The following SCN4A variants were observed in gnomAD, a reference collection of about 807,000 sequenced individuals.
The protein encoded by SCN4A is sodium voltage-gated channel alpha subunit 4, also known as sodium channel protein type 4 subunit alpha.
A neutral mutation model predicts 162.0 loss-of-function variants in SCN4A; 83 were observed. The ratio of observed to expected loss-of-function variants is 0.51; its 90% CI spans 0.43 to 0.61. The LOEUF is 0.61. Among genes scored for constraint, SCN4A ranks in the 20% least tolerant of loss-of-function variants. SCN4A has a pLI of 0.00. For synonymous variants in SCN4A, 944 were observed against 985.1 expected (o/e 0.96, Z 0.78); for missense variants, 2,196 against 2,462.5 (o/e 0.89, Z 2.29).
intron 13 of SCN4A, among the ~76,000 whole-genome samples, chr17:63,952,473 AC>A (rs1028218003): frequency 6.6e-6 from 1 of 151,618 alleles, no homozygotes; most frequent in African/African-American, 2.4e-5. Context: ...ACTGTCCTTT[AC>A]CTCCACTTCT....
At chr17:63,957,627 C>T (rs575939608) in intron 12 of SCN4A, 109 bp from the exon 13 acceptor site, 4 of 703,610 alleles carry the variant, frequency 5.7e-6, no homozygotes, top group Admixed American at 2.4e-5. Flanking sequence ...TCCAGCCCCC[C>T]ACACCATCTG....
At chr17:63,958,741 C>T (rs767352358) in intron 12 of SCN4A, among the ~76,000 whole-genome samples, 6 of 152,158 alleles carry the variant, frequency 3.9e-5, no homozygotes, top group South Asian at 2.1e-4. Context: ...TTCGTAGAGA[C>T]GGAGTTTCAC....
rs1908481593 is a variant in SCN4A at position 63,940,461 on chromosome 17, G to C, written c.*310C>G. ...TGAGGGGCAGAGATTCGAATGTTCT[G>C]ACCTCCCCCAGGCCAAAAGGAGGGG... On this transcript the variant is annotated 3_prime_UTR_variant, in exon 24 of 24. Transcript: ENST00000435607. 2.8e-6 allele frequency: 1 copy of C among 362,794 alleles called. No homozygotes were observed. The allele number at this position is 362,794 out of a possible 1,614,324, so 22.5% of individuals were successfully genotyped here. A position where few individuals can be genotyped will look rare whatever the true frequency, so the allele number is the denominator to read the frequency against.
In SCN4A at chr17:63,951,310, GC is replaced by G. The variant is rs1158425359; in HGVS notation, c.2853+113del. ...ATAATGCTTGCAACAATGCCATAGG[GC>G]ACCACCCCCATTTTACAGCTGGAGA... On this transcript the variant is annotated intron_variant, in intron 14 of 23. Coordinates refer to ENST00000435607, the MANE Select transcript of SCN4A (RefSeq NM_000334.4). This position sits in a 1 kb window ranked among gnomAD's most constrained non-coding sequence, Gnocchi z 4.5. 4.2e-6 allele frequency: 3 copies of G among 720,456 alleles called. No individual in the cohort carries two copies. The highest frequency in any genetic ancestry group is 6.9e-6 in the Non-Finnish European group (3 of 436,424). 44.6% of individuals were successfully genotyped at this position (720,456 alleles called of 1,614,324 possible).
At chr17:63,948,379 CAG>C (rs751983024) in intron 16 of SCN4A, among the ~76,000 whole-genome samples, 2 of 152,216 alleles carry the variant, frequency 1.3e-5, no homozygotes, top group African/African-American at 4.8e-5. Context: ...TCCTTATCAG[CAG>C]AGAGTGCACA....
chr17:63,961,181 G>T lies in SCN4A; in HGVS notation c.1845+12C>A, dbSNP rs776175702. Reference sequence around the variant, plus strand: ...CTGCCCATGAATGATCCCCTCCCCCGCCCCTCCCTACCAGGTTGCCCACAG... The same window carrying T: ...CTGCCCATGAATGATCCCCTCCCCCTCCCCTCCCTACCAGGTTGCCCACAG... On this transcript the variant is annotated intron_variant, in intron 11 of 23. Transcript: ENST00000435607. 2 of 388,946 alleles carry T rather than the reference G, an allele frequency of 5.1e-6. No homozygotes were observed. Among genetic ancestry groups the T allele is most frequent in the African/African-American group, 5.0e-5 (1 of 20,054 alleles). 24.1% of individuals were successfully genotyped at this position (388,946 alleles called of 1,614,324 possible).
chr17:63,972,139 A>C lies in SCN4A; in HGVS notation c.479T>G (p.Val160Gly), dbSNP rs2144814286. 6.2e-7 allele frequency: 1 copy of C among 1,611,704 alleles called. No individual in the cohort carries two copies. ...MSDPPPWSKN[V>G]EYTFTGIYTF... ...CTCAGGGAGCAGGGAGACTTACTCC[A>C]CATTCTTGGACCAGGGAGGCGGGTC... The change falls in exon 3 of 24, where the codon GTG becomes GGG. Residue 160 changes from valine (V) to glycine (G), a missense_variant. Physicochemically the swap from Val to Gly is moderately radical, Grantham distance 109. Transcript: ENST00000435607. This position sits in a 1 kb window ranked among gnomAD's most constrained non-coding sequence, Gnocchi z 4.3.
rs372019457 is a variant in SCN4A, at chr17:63,951,714, T to C, written c.2563A>G (p.Met855Val). Residue 855 changes from methionine to valine, a missense_variant, in exon 14 of 24, where the codon ATG (methionine) becomes GTG (valine). By Grantham distance (21) the Met-to-Val change is conservative (BLOSUM62 1). Coordinates refer to ENST00000435607, the MANE Select transcript of SCN4A (RefSeq NM_000334.4). This position sits in a 1 kb window ranked among gnomAD's most constrained non-coding sequence, Gnocchi z 4.5. ...HGKILSPKDI[M>V]LSLGEADGAG... ...CCGTCAGCCTCCCCGAGGCTGAGCA[T>C]GATGTCCTTGGGGCTCAGGATCTTG... 408 of 1,595,494 alleles carry C rather than the reference T, an allele frequency of 2.6e-4. No individual in the cohort carries two copies. Among genetic ancestry groups the C allele is most frequent in the Non-Finnish European group, 3.2e-4 (370 of 1,170,866 alleles).
At chr17:63,952,164 G>T (rs1000390670) in intron 13 of SCN4A, among the ~76,000 whole-genome samples, 3 of 152,060 alleles carry the variant, frequency 2.0e-5, no homozygotes, top group East Asian at 1.9e-4. Context: ...CCTGCTGGGG[G>T]ACAGGAACTC....
chr17:63,949,120 T>G (rs938465359), intron 15 of SCN4A, among the ~76,000 whole-genome samples: 3 of 151,992 alleles, frequency 2.0e-5, no homozygotes, highest in Non-Finnish European at 4.4e-5. Context: ...TGCCATGTCC[T>G]GAAGGCCTTG....
In SCN4A at chr17:63,963,786, C is replaced by T. The variant is rs761750598; in HGVS notation, c.1492G>A (p.Gly498Arg). ...CAGTCTTTGCCATGGGCTGGGTCCCCATCTGCCTCCCCACCTTCCAGAGCT... is the reference window on the plus strand; with the variant it reads ...CAGTCTTTGCCATGGGCTGGGTCCCTATCTGCCTCCCCACCTTCCAGAGCT... ...AQALEGGEAD[G>R]DPAHGKDCNG... Residue 498 changes from glycine to arginine, a missense_variant, in exon 10 of 24, where the codon GGG becomes AGG. Gly to Arg is a moderately radical substitution (Grantham distance 125, BLOSUM62 -2). Coordinates refer to ENST00000435607, the MANE Select transcript of SCN4A (RefSeq NM_000334.4). 1.2e-6 allele frequency: 2 copies of T among 1,606,830 alleles called. No individual in the cohort carries two copies. Among genetic ancestry groups the T allele is most frequent in the Non-Finnish European group, 1.7e-6 (2 of 1,176,964 alleles).
chr17:63,944,392 G>C lies in SCN4A; in HGVS notation c.3912+281C>G, dbSNP rs1428307149. Among the ~76,000 whole-genome samples the C allele has an allele frequency of 6.6e-6, 1 of 152,094 alleles. No individual in the cohort carries two copies. The highest frequency in any genetic ancestry group is 2.4e-5 in the African/African-American group (1 of 41,398). Reference sequence around the variant, plus strand: ...GGTGGTCTCGAACTCCTGACCTTGTGATCCGCCCGCCTCGGCCTCCCAAAG... The same window carrying C: ...GGTGGTCTCGAACTCCTGACCTTGTCATCCGCCCGCCTCGGCCTCCCAAAG... On this transcript the variant is annotated intron_variant, in intron 21 of 23. Coordinates refer to ENST00000435607, the MANE Select transcript of SCN4A (RefSeq NM_000334.4). This position sits in a 1 kb window ranked among gnomAD's most constrained non-coding sequence, Gnocchi z 4.3.
At position 63,964,695 on chromosome 17, in the gene SCN4A, G is replaced by C; in HGVS notation, c.1243-18C>G. ...CGAAGGGTCTGGGAGTGGAGGGAGA[G>C]GGAGTGGAGGGGTCCCATGACGTCC... On this transcript the variant is annotated intron_variant, in intron 8 of 23. Transcript: ENST00000435607. The C allele has an allele frequency of 6.3e-7, 1 of 1,584,220 alleles. No individual in the cohort carries two copies. Among genetic ancestry groups the C allele is most frequent in the East Asian group, 2.3e-5 (1 of 43,796 alleles).
In SCN4A at chr17:63,941,514, C is replaced by T. The variant is rs765470862; in HGVS notation, c.4768G>A (p.Val1590Ile). Residue 1590 changes from valine (V) to isoleucine (I), a missense_variant, in exon 24 of 24, where the codon GTC (valine) becomes ATC (isoleucine). Transcript: ENST00000435607. This position sits in a 1 kb window ranked among gnomAD's most constrained non-coding sequence, Gnocchi z 6.2. ...SYIIISFLIVVNMYIAIILEN... is the reference protein window; with the variant it reads ...SYIIISFLIVINMYIAIILEN... ...AGGATGATGGCGATGTACATGTTGA[C>T]CACGATGAGGAAGGAGATGATGATA... is the stretch of plus-strand genomic sequence containing the variant. The T allele has an allele frequency of 1.1e-5, 17 of 1,614,120 alleles. No individual in the cohort carries two copies. Among genetic ancestry groups the T allele is most frequent in the Non-Finnish European group, 1.4e-5 (17 of 1,180,040 alleles).
intron 10 of SCN4A, 148 bp from the exon 11 acceptor site, chr17:63,961,579 C>T (rs1161552934): frequency 9.5e-6 from 6 of 631,668 alleles, no homozygotes; most frequent in South Asian, 5.4e-5. Flanking sequence ...CAAGTTCCAC[C>T]GCCTCTTGCG....
Position 63,941,617 on chromosome 17 carries a change from G to A in SCN4A, c.4665C>T (p.Pro1555=), listed in dbSNP as rs374434381. The A allele has an allele frequency of 1.2e-6, 2 of 1,613,960 alleles. No homozygotes were observed. Among genetic ancestry groups the A allele is most frequent in the African/African-American group, 2.7e-5 (2 of 74,910 alleles). The part of the protein sequence containing the change: ...ILNSGPPDCD[P]NLENPGTSVK... ...CACTGGTGCCCGGGTTCTCCAGGTT[G>A]GGGTCACAGTCTGGGGGCCCGCTGT... Residue 1555 remains proline (P), a synonymous_variant, in exon 24 of 24, where the codon CCC becomes CCT. Coordinates refer to ENST00000435607, the MANE Select transcript of SCN4A (RefSeq NM_000334.4). This position sits in a 1 kb window ranked among gnomAD's most constrained non-coding sequence, Gnocchi z 6.2.
rs567615551 is a variant in SCN4A, at chr17:63,944,596, T to G, written c.3912+77A>C. 3.5e-4 allele frequency: 525 copies of G among 1,497,926 alleles called. 5 individuals carry two copies. The East Asian group carries it at 0.013, about 36-fold the overall frequency. The allele number at this position is 1,497,926 out of a possible 1,614,324, so 92.8% of individuals were successfully genotyped here. A position where few individuals can be genotyped will look rare whatever the true frequency, so the allele number is the denominator to read the frequency against. On this transcript the variant is annotated intron_variant, in intron 21 of 23. Coordinates refer to ENST00000435607, the MANE Select transcript of SCN4A (RefSeq NM_000334.4). The surrounding 1 kb of genome is among the most constrained non-coding windows in gnomAD (Gnocchi z 4.3). ...TGCTCAGGCAGCGTTTGTGGGTTTGTGCAATGGAGAGTGGACAAAGGAGGC... is the reference window on the plus strand; with the variant it reads ...TGCTCAGGCAGCGTTTGTGGGTTTGGGCAATGGAGAGTGGACAAAGGAGGC...
chr17:63,942,260 TGTGTG>T (rs1567816673), intron 23 of SCN4A, among the ~76,000 whole-genome samples: 4 of 70,286 alleles, frequency 5.7e-5, no homozygotes, highest in African/African-American at 1.5e-4. Flanking sequence ...ATGCCACTGG[TGTGTG>T]TGTGTGTGTG....
intron 18 of SCN4A, among the ~76,000 whole-genome samples, chr17:63,946,462 G>GCCCC (rs374261223): frequency 7.5e-5 from 8 of 106,660 alleles, no homozygotes; most frequent in Non-Finnish European, 9.2e-5. Context: ...CATTTTTCTT[G>GCCCC]CCCCCCCCCC....
Sources: gnomAD v4.1 joint callset for allele counts (sites outside exome capture counted in the v4.1 genomes callset) on GRCh38, gnomAD v4.1.1 for gene constraint, Gnocchi (gnomAD v3.1) non-coding constraint, MANE v1.5 for transcripts, NCBI Gene and HGNC (gene_info 2026-07-23, HGNC 2026-07-21) for gene names.